SHISAL1: variants seen among roughly 807,000 people sequenced by gnomAD.
SHISAL1 encodes the protein protein shisa-like-1.
SHISAL1 carries 9 observed loss-of-function variants against 22.6 expected under a neutral mutation model. The ratio of observed to expected loss-of-function variants is 0.40; its 90% confidence interval spans 0.24 to 0.70. The LOEUF (loss-of-function observed/expected upper bound fraction) is 0.70. Among genes scored for constraint, SHISAL1 ranks in the 30% least tolerant of loss-of-function variants. SHISAL1 has a pLI of 0.39. For synonymous variants in SHISAL1, 119 were observed against 115.4 expected, an observed-to-expected ratio of 1.03 and a Z score of -0.20; for missense variants, 246 against 270.6, an observed-to-expected ratio of 0.91 and a Z score of 0.64.
intron 2 of SHISAL1, among the ~76,000 whole-genome samples, chr22:44,297,765 T>C (rs2055397557): frequency 6.6e-6 from 1 of 152,280 alleles, no homozygotes. Context: ...CTCTCAGGCT[T>C]AATTAGTATC....
intron 4 of SHISAL1, among the ~76,000 whole-genome samples, chr22:44,278,504 G>C (rs568772440): frequency 2.6e-5 from 4 of 152,358 alleles, no homozygotes; most frequent in Non-Finnish European, 5.9e-5. Context: ...CTGTCCCTTG[G>C]GGGAGTGCTG....
At chr22:44,307,512 G>A (rs1372354468) in intron 1 of SHISAL1, among the ~76,000 whole-genome samples, 10 of 152,246 alleles carry the variant, frequency 6.6e-5, no homozygotes, top group South Asian at 4.2e-4. Context: ...TTATCCTCCC[G>A]GGTTCTATTT....
At chr22:44,285,314 C>G in intron 4 of SHISAL1, 114 bp downstream of exon 4, 1 of 1,176,080 alleles carries the variant, frequency 8.5e-7, no homozygotes, top group Non-Finnish European at 1.2e-6. Context: ...ACAAGATAAG[C>G]AAACAATCAG....
chr22:44,267,033 C>T (rs745391465), intron 4 of SHISAL1, among the ~76,000 whole-genome samples: 9 of 152,086 alleles, frequency 5.9e-5, no homozygotes, highest in Non-Finnish European at 1.0e-4. Flanking sequence ...GCAGACAGGA[C>T]GGTGCCTGGT....
At chr22:44,290,544 AC>A in intron 3 of SHISAL1, among the ~76,000 whole-genome samples, 2 of 151,400 alleles carry the variant, frequency 1.3e-5, no homozygotes, top group South Asian at 2.1e-4. Flanking sequence ...AAAAAAAAAA[AC>A]AAAAAACGGG....
At chr22:44,283,282 C>T (rs189877857) in intron 4 of SHISAL1, among the ~76,000 whole-genome samples, 40 of 152,314 alleles carry the variant, frequency 2.6e-4, no homozygotes, top group African/African-American at 9.1e-4. Context: ...TCAGGAAAGA[C>T]GAAGAGCCTC....
upstream of SHISAL1, among the ~76,000 whole-genome samples, chr22:44,317,401 T>G (rs1243310841): frequency 6.6e-6 from 1 of 152,138 alleles, no homozygotes; most frequent in Non-Finnish European, 1.5e-5. Context: ...GGGAAACAGG[T>G]GCTTTCAAAG....
rs6006720 is a variant in SHISAL1, at chr22:44,273,447, T to G, written c.599+11981A>C. Among the ~76,000 whole-genome samples the G allele has an allele frequency of 6.3e-3, 959 of 152,332 alleles. 11 individuals carry two copies. The highest frequency in any genetic ancestry group is 0.022 in the African/African-American group (900 of 41,576). ...CAAAAGAACTAAGAAGTGATACTTT[T>G]GAGGATGTATTATCTCTGTGTTTAA... On this transcript the variant is annotated intron_variant, in intron 4 of 4. Coordinates refer to ENST00000381176, the MANE Select transcript of SHISAL1 (RefSeq NM_001099294.2).
chr22:44,300,100 G>GAGAC (rs1224054419), intron 2 of SHISAL1, among the ~76,000 whole-genome samples: 1 of 150,696 alleles, frequency 6.6e-6, no homozygotes, highest in African/African-American at 2.5e-5. Flanking sequence ...GACAGACACA[G>GAGAC]AGAGACAGAC....
chr22:44,249,927 T>C (rs977999322), intron 4 of SHISAL1, among the ~76,000 whole-genome samples: 2 of 152,070 alleles, frequency 1.3e-5, no homozygotes, highest in African/African-American at 4.8e-5. Flanking sequence ...AAGCATAGAA[T>C]AGGACTGGAA....
intron 3 of SHISAL1, among the ~76,000 whole-genome samples, chr22:44,286,472 G>A (rs981974685): frequency 2.0e-5 from 3 of 152,172 alleles, no homozygotes; most frequent in African/African-American, 7.2e-5. Context: ...CTCTCCCGGT[G>A]TCAGCCGACT....
intron 4 of SHISAL1, among the ~76,000 whole-genome samples, chr22:44,252,796 C>T (rs1318685436): frequency 1.3e-5 from 2 of 151,624 alleles, no homozygotes; most frequent in African/African-American, 2.4e-5. Context: ...AGTTCAAGAC[C>T]AGCCTGACCA....
At chr22:44,265,611 TTAAA>T (rs1212459930) in intron 4 of SHISAL1, among the ~76,000 whole-genome samples, 6 of 151,990 alleles carry the variant, frequency 3.9e-5, no homozygotes, top group South Asian at 4.2e-4. Flanking sequence ...ACAGAAAGGG[TTAAA>T]TAAATGTTTT....
At chr22:44,328,584 G>A in the SHISAL1 span, among the ~76,000 whole-genome samples, 3 of 151,998 alleles carry the variant, frequency 2.0e-5, no homozygotes, top group Non-Finnish European at 4.4e-5. Flanking sequence ...CAGAAGCCAA[G>A]GGCCTGGGCA....
chr22:44,248,123 G>C lies in SHISAL1; in HGVS notation c.*1562C>G, dbSNP rs544531649. ...TCCCTCGAACTGAGTTCCTGGCACTGAGTTCCCGGCAGAGCACTCACTGCC... is the reference window on the plus strand; with the variant it reads ...TCCCTCGAACTGAGTTCCTGGCACTCAGTTCCCGGCAGAGCACTCACTGCC... On this transcript the variant is annotated 3_prime_UTR_variant, in exon 5 of 5. Coordinates refer to ENST00000381176, the MANE Select transcript of SHISAL1 (RefSeq NM_001099294.2). The C allele has an allele frequency of 1.2e-4, 18 of 152,262 alleles. No homozygotes were observed. The highest frequency in any genetic ancestry group is 4.1e-4 in the African/African-American group (17 of 41,454). The allele number at this position is 152,262 out of a possible 1,614,324, so 9.4% of individuals were successfully genotyped here. A position where few individuals can be genotyped will look rare whatever the true frequency, so the allele number is the denominator to read the frequency against.
chr22:44,269,268 AC>A (rs2055188160), intron 4 of SHISAL1, among the ~76,000 whole-genome samples: 1 of 145,476 alleles, frequency 6.9e-6, no homozygotes, highest in African/African-American at 2.6e-5. Context: ...CCACACAGAC[AC>A]CCACAACACA....
intron 4 of SHISAL1, among the ~76,000 whole-genome samples, chr22:44,251,515 T>G (rs563125239): frequency 5.9e-5 from 9 of 152,364 alleles, no homozygotes; most frequent in African/African-American, 1.9e-4. Context: ...ATTTTCACGC[T>G]GCTAATAGAC....
At chr22:44,302,907 G>A (rs964483671) in intron 1 of SHISAL1, among the ~76,000 whole-genome samples, 7 of 146,964 alleles carry the variant, frequency 4.8e-5, no homozygotes, top group Admixed American at 3.4e-4. Context: ...AGGGGCAAAG[G>A]CCCTGGGGTG....
At chr22:44,284,414 C>A (rs1321387466) in intron 4 of SHISAL1, among the ~76,000 whole-genome samples, 1 of 152,038 alleles carries the variant, frequency 6.6e-6, no homozygotes, top group Non-Finnish European at 1.5e-5. Context: ...GGACTCAGAC[C>A]CAGGTTAGGT....
Sources: gnomAD v4.1 joint callset for allele counts (sites outside exome capture counted in the v4.1 genomes callset) on GRCh38, gnomAD v4.1.1 for gene constraint, MANE v1.5 for transcripts, NCBI Gene and HGNC (gene_info 2026-07-23, HGNC 2026-07-21) for gene names.